CTBP2: variants seen among roughly 807,000 people sequenced by gnomAD.
CTBP2 encodes the protein C-terminal binding protein 2.
In CTBP2, 30 loss-of-function variants were observed where a neutral mutation model predicts 80.3. That is an observed-to-expected ratio of 0.37 (90% CI 0.28 to 0.51). The LOEUF is 0.51. CTBP2 is among the 20% of genes least tolerant of loss of function. The pLI is 0.93. For missense variants in CTBP2, 1,212 were observed against 1,375.3 expected (o/e 0.88, Z 1.88); for synonymous variants, 594 against 587.4 (o/e 1.01, Z -0.16).
chr10:125,120,126 C>T (rs1191965127), intron 1 of CTBP2, among the ~76,000 whole-genome samples: 3 of 152,200 alleles, frequency 2.0e-5, no homozygotes, highest in Non-Finnish European at 4.4e-5. Context: ...CAGCGAGAAT[C>T]CCTTGCCCCA....
upstream of CTBP2, among the ~76,000 whole-genome samples, chr10:125,161,373 C>T (rs1304588366): frequency 6.6e-6 from 1 of 152,062 alleles, no homozygotes; most frequent in African/African-American, 2.4e-5. Flanking sequence ...TCCTCCGCCC[C>T]TTCCACGTGG....
At chr10:125,002,011 G>T (rs1043001224) in intron 3 of CTBP2, among the ~76,000 whole-genome samples, 1 of 152,220 alleles carries the variant, frequency 6.6e-6, no homozygotes, top group Non-Finnish European at 1.5e-5. Flanking sequence ...GGAAGCACCG[G>T]GGCCCACTGG....
At chr10:125,071,870 C>T (rs981764077) in intron 2 of CTBP2, among the ~76,000 whole-genome samples, 2 of 151,956 alleles carry the variant, frequency 1.3e-5, no homozygotes, top group African/African-American at 4.8e-5. Context: ...AGGATGCAAG[C>T]AGGAAACGGA....
At chr10:125,111,341 CAGA>C (rs1163815760) in intron 1 of CTBP2, among the ~76,000 whole-genome samples, 9 of 152,136 alleles carry the variant, frequency 5.9e-5, no homozygotes, top group Admixed American at 2.6e-4. Context: ...TGTGCAAAAG[CAGA>C]AGGTGATATT....
intron 2 of CTBP2, among the ~76,000 whole-genome samples, chr10:125,083,775 A>G (rs1021714243): frequency 3.9e-5 from 6 of 152,124 alleles, no homozygotes; most frequent in African/African-American, 4.8e-5. Context: ...ACACCCAGCT[A>G]AAGTTTTTTT....
chr10:125,036,686 TG>T (rs1375773105), intron 3 of CTBP2, among the ~76,000 whole-genome samples: 3 of 104,138 alleles, frequency 2.9e-5, no homozygotes, highest in African/African-American at 1.1e-4. Context: ...TGTGTGTGTG[TG>T]TGTGTGTGTG....
chr10:124,988,817 A>C lies in CTBP2; in HGVS notation c.*701T>G, dbSNP rs1952197526. ...TTTAGCTCAAGACTTTCCACTCAATAAAATAGCAGAGGATCTGAAACTGAG... is the reference window on the plus strand; with the variant it reads ...TTTAGCTCAAGACTTTCCACTCAATCAAATAGCAGAGGATCTGAAACTGAG... On this transcript the variant is annotated 3_prime_UTR_variant, in exon 9 of 9. Transcript: ENST00000309035. 1 of 152,650 alleles carries C rather than the reference A, an allele frequency of 6.6e-6. No individual in the cohort carries two copies. 9.5% of individuals were successfully genotyped at this position (152,650 alleles called of 1,614,324 possible). A position where few individuals can be genotyped will look rare whatever the true frequency, so the allele number is the denominator to read the frequency against.
At chr10:125,031,263 C>T (rs1337218097), upstream of CTBP2, among the ~76,000 whole-genome samples, 1 of 151,902 alleles carries the variant, frequency 6.6e-6, no homozygotes, top group Non-Finnish European at 1.5e-5. Context: ...CTGAGTGGGG[C>T]GGATCACCTG....
intron 1 of CTBP2, among the ~76,000 whole-genome samples, chr10:125,117,567 C>T (rs78669834): frequency 0.045 from 6,825 of 152,230 alleles, 219 homozygotes; most frequent in Admixed American, 0.087. Context: ...GTGTGGAGTC[C>T]AAGTTTGGTT....
At position 124,989,373 on chromosome 10, in the gene CTBP2, TG is replaced by T; in HGVS notation, c.*144del. 1 of 925,406 alleles carries T rather than the reference TG, an allele frequency of 1.1e-6. No homozygotes were observed. The highest frequency in any genetic ancestry group is 1.7e-6 in the Non-Finnish European group (1 of 571,994). The allele number at this position is 925,406 out of a possible 1,614,324, so 57.3% of individuals were successfully genotyped here. A position where few individuals can be genotyped will look rare whatever the true frequency, so the allele number is the denominator to read the frequency against. ...ACGACATCTTCAGTTTTCTAGCTCT[TG>T]TAGTTTCAACACTGCAACATCAATG... is the stretch of plus-strand genomic sequence containing the variant. On this transcript the variant is annotated 3_prime_UTR_variant, in exon 9 of 9. Coordinates refer to ENST00000309035, the MANE Select transcript of CTBP2 (RefSeq NM_022802.3).
intron 5 of CTBP2, 35 bp downstream of exon 7, chr10:124,994,434 G>T (rs377753542): frequency 1.2e-6 from 2 of 1,603,860 alleles, no homozygotes; most frequent in South Asian, 1.1e-5. Context: ...ACCACCTTTC[G>T]ACAGAAGCTT....
intron 2 of CTBP2, among the ~76,000 whole-genome samples, chr10:125,079,202 C>G (rs1466495287): frequency 6.6e-6 from 1 of 151,174 alleles, no homozygotes; most frequent in Non-Finnish European, 1.5e-5. Context: ...GATGGGCCAC[C>G]AGGAGCTTTC....
At chr10:125,130,039 C>T (rs954054742) in intron 1 of CTBP2, among the ~76,000 whole-genome samples, 2 of 71,014 alleles carry the variant, frequency 2.8e-5, no homozygotes, top group East Asian at 6.4e-4. Flanking sequence ...CAGGATTTCT[C>T]TCTTTTTTTT....
rs755005239 is a variant in CTBP2 at position 125,026,988 on chromosome 10, C to T, written c.772G>A (p.Gly258Arg). 2.8e-5 allele frequency: 45 copies of T among 1,613,836 alleles called. No individual in the cohort carries two copies. Among genetic ancestry groups the T allele is most frequent in the East Asian group, 4.5e-5 (2 of 44,882 alleles). Residue 258 changes from glycine (G) to arginine (R), a missense_variant, in exon 1 of 9, where the codon GGG becomes AGG. Transcript: ENST00000309035. ...GATGGGATGCTTTCCCGGGCAGGCC[C>T]GTAGCCACGATTCAGGGCCCCTGGG...
rs184754730 is a variant in CTBP2 at position 125,027,791 on chromosome 10, G to A, written c.-32C>T. 15 of 1,491,260 alleles carry A rather than the reference G, an allele frequency of 1.0e-5. No homozygotes were observed. In the East Asian group the frequency reaches 2.9e-4, roughly 29 times the overall value. The allele number at this position is 1,491,260 out of a possible 1,614,324, so 92.4% of individuals were successfully genotyped here. A position where few individuals can be genotyped will look rare whatever the true frequency, so the allele number is the denominator to read the frequency against. On this transcript the variant is annotated 5_prime_UTR_variant, in exon 1 of 9. Coordinates refer to ENST00000309035, the MANE Select transcript of CTBP2 (RefSeq NM_022802.3). ...AAAAATGACTGCGGATGAGGCAGAG[G>A]AGAAGCTTTTCTTTATAAATCTTCA...
At chr10:125,097,775 T>A (rs1297363195) in intron 2 of CTBP2, among the ~76,000 whole-genome samples, 35 of 152,044 alleles carry the variant, frequency 2.3e-4, no homozygotes, top group Non-Finnish European at 3.8e-4. Context: ...CCTCTGTAGT[T>A]CCTACTTTTT....
Position 125,026,425 on chromosome 10 carries a change from G to A in CTBP2, c.1335C>T (p.Cys445=), listed in dbSNP as rs201621952. The change falls in exon 1 of 9, where the codon TGC becomes TGT. Residue 445 remains cysteine, a synonymous_variant. Coordinates refer to ENST00000309035, the MANE Select transcript of CTBP2 (RefSeq NM_022802.3). ...TGGGGCTCAGACGCGCTGTCAGGGC[G>A]CAAGGGGTGGGAGAGCTGTACCCGG... 123 of 1,604,526 alleles carry A rather than the reference G, an allele frequency of 7.7e-5. No individual in the cohort carries two copies. The highest frequency in any genetic ancestry group is 2.0e-4 in the East Asian group (9 of 44,606).
At chr10:125,095,828 G>A (rs972609956) in intron 2 of CTBP2, among the ~76,000 whole-genome samples, 2 of 152,218 alleles carry the variant, frequency 1.3e-5, no homozygotes, top group Non-Finnish European at 2.9e-5. Context: ...CAAAAGCTCT[G>A]TGGTGACTCC....
intron 3 of CTBP2, among the ~76,000 whole-genome samples, chr10:125,037,749 C>T (rs578207143): frequency 8.6e-4 from 131 of 152,280 alleles, no homozygotes; most frequent in African/African-American, 3.1e-3. Flanking sequence ...GGGTTCATTC[C>T]GGTACTGGGA....
Sources: allele counts gnomAD v4.1 joint callset (sites outside exome capture counted in the v4.1 genomes callset), GRCh38; gene constraint gnomAD v4.1.1; transcripts MANE v1.5; gene names NCBI Gene and HGNC (gene_info 2026-07-23, HGNC 2026-07-21).